TG: variants seen among roughly 807,000 people sequenced by gnomAD.
The protein encoded by TG is thyroglobulin.
Under a neutral mutation model 324.7 loss-of-function variants are expected in TG, and 270 were observed. That is an observed-to-expected ratio of 0.83 (90% confidence interval 0.75 to 0.92). The LOEUF (loss-of-function observed/expected upper bound fraction) is 0.92, where lower values mean the gene tolerates loss of function less well. Among genes scored for constraint, TG ranks in the 40% least tolerant of loss-of-function variants. TG has a pLI of 0.00. For synonymous variants in TG, 1,401 were observed against 1,327.0 expected, an observed-to-expected ratio of 1.06 and a Z score of -1.21; for missense variants, 3,591 against 3,456.4, an observed-to-expected ratio of 1.04 and a Z score of -0.98.
At chr8:133,066,300 T>C (rs1284660149) in intron 41 of TG, among the ~76,000 whole-genome samples, 3 of 118,290 alleles carry the variant, frequency 2.5e-5, no homozygotes, top group African/African-American at 1.0e-4. Flanking sequence ...CACTCCAACC[T>C]GGGTGACAGA....
chr8:132,937,994 AGGAGGAGG>A (rs1823859693), intron 25 of TG, among the ~76,000 whole-genome samples: 1 of 152,080 alleles, frequency 6.6e-6, no homozygotes, highest in Non-Finnish European at 1.5e-5. Context: ...GGTGGAGTGG[AGGAGGAGG>A]GGAGGAGGAG....
At chr8:133,089,295 G>A (rs1274534508) in intron 41 of TG, among the ~76,000 whole-genome samples, 1 of 152,166 alleles carries the variant, frequency 6.6e-6, no homozygotes. Flanking sequence ...GGGGATAGAG[G>A]AATAACTACC....
Position 133,096,257 on chromosome 8 carries a change from C to T in TG, c.7456C>T (p.His2486Tyr), listed in dbSNP as rs202166621. The change falls in exon 43 of 48, where the codon CAC (histidine) becomes TAC (tyrosine). Residue 2486 changes from histidine (H) to tyrosine (Y), a missense_variant. Coordinates refer to ENST00000220616, the MANE Select transcript of TG (RefSeq NM_003235.5). ...CTACTGGGGTCCTGTGATCGATGGCCACTTCCTCCGTGAGCCTCCAGCCAG... is the reference window on the plus strand; with the variant it reads ...CTACTGGGGTCCTGTGATCGATGGCTACTTCCTCCGTGAGCCTCCAGCCAG... Reference protein sequence around the residue: ...FHYWGPVIDGHFLREPPARAL... With the variant: ...FHYWGPVIDGYFLREPPARAL... The T allele has an allele frequency of 5.0e-6, 8 of 1,614,220 alleles. No homozygotes were observed. In the East Asian group the frequency reaches 1.8e-4, roughly 36 times the overall value.
chr8:133,004,654 G>T (rs868519978), intron 35 of TG, among the ~76,000 whole-genome samples: 2 of 152,184 alleles, frequency 1.3e-5, no homozygotes, highest in African/African-American at 4.8e-5. Context: ...TGGTGAGTGG[G>T]TGAGAGTAGG....
chr8:133,078,075 C>T (rs1237965540), intron 41 of TG, among the ~76,000 whole-genome samples: 1 of 152,150 alleles, frequency 6.6e-6, no homozygotes, highest in African/African-American at 2.4e-5. Context: ...CTCTGCAGCA[C>T]GTCTGCCTGT....
intron 41 of TG, among the ~76,000 whole-genome samples, chr8:133,063,879 G>A (rs796262734): frequency 8.5e-5 from 13 of 152,378 alleles, no homozygotes; most frequent in African/African-American, 2.9e-4. Flanking sequence ...GAGAGCTGGA[G>A]TCTCTCTAAT....
Position 132,967,765 on chromosome 8 carries a change from C to T in TG, c.5687-29C>T, listed in dbSNP as rs762906933. The T allele has an allele frequency of 5.6e-6, 9 of 1,612,814 alleles. No homozygotes were observed. The East Asian group carries it at 2.0e-4, about 36-fold the overall frequency. On this transcript the variant is annotated intron_variant, in intron 30 of 47. Coordinates refer to ENST00000220616, the MANE Select transcript of TG (RefSeq NM_003235.5). ...TTCTCCCCTGTAGACCCCACAAAAA[C>T]TAAAATCACACTACTCTCTTGCCTG...
In TG at chr8:133,022,125, G is replaced by T; in HGVS notation, c.7011G>T (p.Val2337=). 2 of 1,614,152 alleles carry T rather than the reference G, an allele frequency of 1.2e-6. No homozygotes were observed. Among genetic ancestry groups the T allele is most frequent in the African/African-American group, 1.3e-5 (1 of 75,044 alleles). ...TCGTGGTCACTGCCAGCTACCGAGT[G>T]GGTGTCTTCGGCTTCCTGAGTTCTG... ...NLIVVTASYR[V]GVFGFLSSGS... The change falls in exon 40 of 48, where the codon GTG becomes GTT. Residue 2337 remains valine, a synonymous_variant. Transcript: ENST00000220616.
At chr8:133,127,429 C>G (rs1053042044) in intron 45 of TG, among the ~76,000 whole-genome samples, 1 of 152,130 alleles carries the variant, frequency 6.6e-6, no homozygotes, top group East Asian at 1.9e-4. Flanking sequence ...GAGAGGTAAG[C>G]TTGGAGACAT....
At chr8:133,055,824 C>CCAGCAGCAGCAGCAGCAGCAGCAG in intron 41 of TG, among the ~76,000 whole-genome samples, 1 of 150,884 alleles carries the variant, frequency 6.6e-6, no homozygotes, top group South Asian at 2.1e-4. Context: ...CTCCTCATCA[C>CCAGCAGCAGCAGCAGCAGCAGCAG]CAGCAGCAGC....
At chr8:132,922,998 G>A (rs540422712) in intron 21 of TG, among the ~76,000 whole-genome samples, 51 of 152,314 alleles carry the variant, frequency 3.3e-4, no homozygotes, top group South Asian at 1.7e-3. Flanking sequence ...TGGAGAGTTC[G>A]CGCAGCAAAG....
At chr8:132,947,511 C>T (rs569618459) in intron 26 of TG, among the ~76,000 whole-genome samples, 1 of 152,258 alleles carries the variant, frequency 6.6e-6, no homozygotes, top group East Asian at 1.9e-4. Flanking sequence ...TTAAGCCAGA[C>T]ATCCATGAGT....
At chr8:133,060,142 A>T in intron 41 of TG, 1 of 1,612,420 alleles carries the variant, frequency 6.2e-7, no homozygotes, top group Non-Finnish European at 8.5e-7. Flanking sequence ...GCAGGGGTGG[A>T]TTTCATGCTG....
intron 35 of TG, chr8:132,983,844 C>A (rs906385398): frequency 2.0e-5 from 6 of 302,454 alleles, no homozygotes; most frequent in Non-Finnish European, 3.2e-5. Flanking sequence ...CCACACTGGG[C>A]AGCACTGTGA....
At position 132,887,016 on chromosome 8, in the gene TG, T is replaced by C. The variant is rs1815517431; in HGVS notation, c.1644T>C (p.Thr548=). The C allele has an allele frequency of 3.1e-6, 5 of 1,614,122 alleles. No individual in the cohort carries two copies. Among genetic ancestry groups the C allele is most frequent in the Non-Finnish European group, 4.2e-6 (5 of 1,180,050 alleles). ...AGGATGGTACTATGAATAAGCCAAC[T>C]GTGGGCAGCTTTGGCTTTGAAATTA... The part of the protein sequence containing the change: ...AKKDGTMNKP[T]VGSFGFEINL... Residue 548 remains threonine, a synonymous_variant, in exon 9 of 48, where the codon ACT becomes ACC. Coordinates refer to ENST00000220616, the MANE Select transcript of TG (RefSeq NM_003235.5).
intron 40 of TG, among the ~76,000 whole-genome samples, chr8:133,027,688 T>A (rs983948386): frequency 5.9e-5 from 9 of 152,198 alleles, no homozygotes; most frequent in Non-Finnish European, 1.2e-4. Context: ...GCACTGAAAA[T>A]TTTTAATGCA....
chr8:132,920,861 G>A (rs1314395444), intron 21 of TG, among the ~76,000 whole-genome samples: 1 of 152,172 alleles, frequency 6.6e-6, no homozygotes, highest in Non-Finnish European at 1.5e-5. Flanking sequence ...CTCACAGGGT[G>A]GTAATAAAGG....
rs1162095793 is a variant in TG, at chr8:133,067,920, AG to A, written c.7240-27123del. On this transcript the variant is annotated intron_variant, in intron 41 of 47. Transcript: ENST00000220616. ...GAAGGAAGGAAGGAAGGAAGGAAAG[AG>A]AGAGAGAGAGAAAGAAAGAAAGAGA... Among the ~76,000 whole-genome samples, 1,028 of 107,314 alleles carry A rather than the reference AG, an allele frequency of 9.6e-3. 25 individuals carry two copies. The highest frequency in any genetic ancestry group is 0.039 in the African/African-American group (969 of 24,644). The allele number at this position is 107,314 out of a possible 152,430, so 70.4% of individuals were successfully genotyped here.
chr8:133,020,333 G>A (rs1835447384), intron 39 of TG, among the ~76,000 whole-genome samples: 1 of 152,230 alleles, frequency 6.6e-6, no homozygotes, highest in African/African-American at 2.4e-5. Flanking sequence ...TGGCCTCCAG[G>A]TGACAGGCCC....
Sources: allele counts gnomAD v4.1 joint callset (sites outside exome capture counted in the v4.1 genomes callset), GRCh38; gene constraint gnomAD v4.1.1; transcripts MANE v1.5; gene names NCBI Gene and HGNC (gene_info 2026-07-23, HGNC 2026-07-21).